Variants in DIP2B observed in about 807,000 individuals in gnomAD.
DIP2B encodes the protein DIP2 acetate--CoA ligase B (putative).
In DIP2B, 76 loss-of-function variants were observed where a neutral mutation model predicts 198.0. The observed-to-expected ratio is 0.38, with a 90% confidence interval of 0.32 to 0.46. DIP2B has a LOEUF of 0.46. Among genes scored for constraint, DIP2B ranks in the 20% least tolerant of loss-of-function variants. DIP2B has a pLI of 0.99. For missense variants in DIP2B, 1,559 were observed against 1,978.4 expected, an observed-to-expected ratio of 0.79 and a Z score of 4.02; for synonymous variants, 701 against 739.1, an observed-to-expected ratio of 0.95 and a Z score of 0.84.
intron 1 of DIP2B, among the ~76,000 whole-genome samples, chr12:50,571,259 C>T (rs1340716424): frequency 2.0e-5 from 3 of 151,208 alleles, no homozygotes; most frequent in East Asian, 1.9e-4. Context: ...GCAACCTCCA[C>T]CTCCTGGGTT....
chr12:50,719,175 T>C (rs1939788282), intron 25 of DIP2B, 140 bp downstream of exon 25: 6 of 863,870 alleles, frequency 6.9e-6, no homozygotes, highest in Admixed American at 2.6e-5. Context: ...TGCTTTGGCA[T>C]ATGAGGGTAA....
At chr12:50,590,197 C>G (rs991590747) in intron 1 of DIP2B, among the ~76,000 whole-genome samples, 1 of 151,826 alleles carries the variant, frequency 6.6e-6, no homozygotes, top group Non-Finnish European at 1.5e-5. Flanking sequence ...TGGGATCCCA[C>G]TATGTTGCCC....
intron 1 of DIP2B, among the ~76,000 whole-genome samples, chr12:50,562,063 TATC>T (rs1665361979): frequency 1.3e-5 from 2 of 152,206 alleles, no homozygotes; most frequent in African/African-American, 2.4e-5. Context: ...ATAAATAAGG[TATC>T]ATTCAGATAT....
chr12:50,555,417 C>T (rs1419111168), intron 1 of DIP2B, among the ~76,000 whole-genome samples: 2 of 152,148 alleles, frequency 1.3e-5, no homozygotes, highest in Non-Finnish European at 2.9e-5. Context: ...ACATGTATTG[C>T]TTATCTACCT....
chr12:50,742,229 C>G (rs1940257822), intron 37 of DIP2B, among the ~76,000 whole-genome samples: 2 of 151,598 alleles, frequency 1.3e-5, no homozygotes, highest in Non-Finnish European at 1.5e-5. Flanking sequence ...AAAACCCCAT[C>G]TCTACAAAAA....
intron 1 of DIP2B, among the ~76,000 whole-genome samples, chr12:50,583,006 T>C (rs1006742999): frequency 6.6e-6 from 1 of 152,218 alleles, no homozygotes; most frequent in African/African-American, 2.4e-5. Context: ...AATCTAATTC[T>C]TGGTATAAAT....
intron 1 of DIP2B, among the ~76,000 whole-genome samples, chr12:50,539,548 G>A (rs1216624015): frequency 1.3e-5 from 2 of 151,338 alleles, no homozygotes; most frequent in Admixed American, 1.3e-4. Flanking sequence ...CCTGAGAGGC[G>A]GAGGTTGCAG....
At chr12:50,539,201 C>T (rs192561017) in intron 1 of DIP2B, among the ~76,000 whole-genome samples, 3 of 149,994 alleles carry the variant, frequency 2.0e-5, no homozygotes, top group East Asian at 3.9e-4. Flanking sequence ...TCTTTCATCC[C>T]GTTTGGCTCT....
chr12:50,719,121 A>T, intron 25 of DIP2B, 86 bp downstream of exon 25: 1 of 1,420,640 alleles, frequency 7.0e-7, no homozygotes, highest in African/African-American at 1.4e-5. Context: ...TCATCAGAAA[A>T]TTTCTGTTGC....
intron 28 of DIP2B, 91 bp downstream of exon 28, chr12:50,724,977 GC>G: frequency 7.7e-7 from 1 of 1,304,842 alleles, no homozygotes; most frequent in African/African-American, 1.5e-5. Context: ...TGTTTACCCT[GC>G]CTTTATGTCT....
intron 1 of DIP2B, among the ~76,000 whole-genome samples, chr12:50,544,728 C>T (rs1958360768): frequency 6.6e-6 from 1 of 151,896 alleles, no homozygotes; most frequent in Non-Finnish European, 1.5e-5. Flanking sequence ...AGCAATTCTC[C>T]TGCCTCAGCC....
intron 2 of DIP2B, among the ~76,000 whole-genome samples, chr12:50,634,624 G>A (rs554288615): frequency 3.3e-5 from 5 of 152,266 alleles, no homozygotes; most frequent in African/African-American, 1.2e-4. Flanking sequence ...GGCCCTCCTT[G>A]ACCAGCCCTA....
At chr12:50,533,702 G>A (rs1446004142) in intron 1 of DIP2B, among the ~76,000 whole-genome samples, 1 of 150,878 alleles carries the variant, frequency 6.6e-6, no homozygotes, top group Non-Finnish European at 1.5e-5. Context: ...TCTACCTCTT[G>A]GGCTCAAGCA....
intron 1 of DIP2B, among the ~76,000 whole-genome samples, chr12:50,593,722 T>TCTCCTCTCCC (rs1958843508): frequency 2.3e-4 from 1 of 4,388 alleles, no homozygotes. Context: ...TCTCCTCTCC[T>TCTCCTCTCCC]CTCCTCTCCT....
intron 1 of DIP2B, among the ~76,000 whole-genome samples, chr12:50,565,577 T>C (rs1384653672): frequency 6.6e-6 from 1 of 152,190 alleles, no homozygotes; most frequent in Non-Finnish European, 1.5e-5. Flanking sequence ...CATATTTCCA[T>C]GGCATTCTAA....
chr12:50,712,268 C>G (rs1390275399), intron 22 of DIP2B, among the ~76,000 whole-genome samples: 2 of 152,100 alleles, frequency 1.3e-5, no homozygotes, highest in Non-Finnish European at 1.5e-5. Context: ...TCAATAAGAC[C>G]TATGGGTAAT....
intron 1 of DIP2B, among the ~76,000 whole-genome samples, chr12:50,585,485 A>C (rs1416061503): frequency 6.6e-6 from 1 of 152,202 alleles, no homozygotes; most frequent in Non-Finnish European, 1.5e-5. Context: ...CAATGAAGAG[A>C]GAGCATCATG....
At chr12:50,654,538 G>A (rs1463992016) in intron 3 of DIP2B, among the ~76,000 whole-genome samples, 1 of 151,868 alleles carries the variant, frequency 6.6e-6, no homozygotes, top group Non-Finnish European at 1.5e-5. Context: ...TTTTTGTAGA[G>A]GTAGTGTTTT....
chr12:50,545,531 A>G (rs890242291), intron 1 of DIP2B, among the ~76,000 whole-genome samples: 1 of 151,730 alleles, frequency 6.6e-6, no homozygotes, highest in African/African-American at 2.4e-5. Context: ...ATGTGCCACC[A>G]TGCCTGGCTA....
Sources: gnomAD v4.1 joint callset for allele counts (sites outside exome capture counted in the v4.1 genomes callset) on GRCh38, gnomAD v4.1.1 for gene constraint, MANE v1.5 for transcripts, NCBI Gene and HGNC (gene_info 2026-07-23, HGNC 2026-07-21) for gene names.